The following IQCH variants were observed in gnomAD, a reference collection of about 807,000 sequenced individuals.
IQCH encodes the protein IQ motif containing H.
IQCH carries 98 observed loss-of-function variants against 117.0 expected under a neutral mutation model. The observed-to-expected ratio is 0.84, with a 90% CI of 0.71 to 0.99. The LOEUF is 0.99. Among genes scored for constraint, IQCH ranks in the 50% least tolerant of loss-of-function variants. The probability of loss-of-function intolerance (pLI) is 0.00; values close to 1 mark genes in which losing one functional copy is unlikely to be tolerated. For synonymous variants in IQCH, 412 were observed against 448.2 expected (o/e 0.92, Z 1.02); for missense variants, 1,102 against 1,243.8 (o/e 0.89, Z 1.72).
rs745536547 is a variant in IQCH, at chr15:67,421,335, C to T, written c.2263C>T (p.Leu755Phe). The change falls in exon 16 of 21, where the codon CTC (leucine) becomes TTC (phenylalanine). Residue 755 changes from leucine to phenylalanine, a missense_variant. By Grantham distance (22) the Leu-to-Phe change is conservative (BLOSUM62 0). Around this residue, in one of 2 missense-constraint regions of IQCH, gnomAD observed 650 missense variants for 794.3 expected, o/e 0.82. Coordinates refer to ENST00000335894, the MANE Select transcript of IQCH (RefSeq NM_001031715.3). The part of the protein sequence containing the change: ...AFPPADNVTN[L>F]TVDMLIEPNG... ...CCCACCTGCAGACAATGTCACCAACCTCACAGTGGACATGCTGATAGAGCC... is the reference window on the plus strand; with the variant it reads ...CCCACCTGCAGACAATGTCACCAACTTCACAGTGGACATGCTGATAGAGCC... The T allele has an allele frequency of 1.2e-6, 2 of 1,614,036 alleles. No homozygotes were observed. The highest frequency in any genetic ancestry group is 2.7e-5 in the African/African-American group (2 of 74,922).
Position 67,472,504 on chromosome 15 carries a change from G to GA in IQCH, c.2677-3186dup, listed in dbSNP as rs1275990312. On this transcript the variant is annotated intron_variant, in intron 17 of 20. Coordinates refer to ENST00000335894, the MANE Select transcript of IQCH (RefSeq NM_001031715.3). The surrounding 1 kb of genome is among the most constrained non-coding windows in gnomAD (Gnocchi z 4.3). Reference sequence around the variant, plus strand: ...CCCAGGAGATGGGGGAAGAGTAGGGGAAAAAACAGCCTGGGAAGTTACATT... The same window carrying GA: ...CCCAGGAGATGGGGGAAGAGTAGGGGAAAAAAACAGCCTGGGAAGTTACATT... 1.3e-5 allele frequency among the ~76,000 whole-genome samples: 2 copies of GA among 152,104 alleles called. No homozygotes were observed. The highest frequency in any genetic ancestry group is 4.8e-5 in the African/African-American group (2 of 41,414).
intron 12 of IQCH, among the ~76,000 whole-genome samples, chr15:67,392,226 T>A (rs1221639448): frequency 2.0e-5 from 3 of 152,230 alleles, no homozygotes; most frequent in Non-Finnish European, 2.9e-5. Context: ...GAACTTACCA[T>A]GATTGCTGCC....
intron 20 of IQCH, among the ~76,000 whole-genome samples, chr15:67,499,255 C>T (rs890718015): frequency 2.2e-5 from 3 of 133,708 alleles, no homozygotes; most frequent in African/African-American, 8.6e-5. Context: ...GTCATAATCA[C>T]ACCACTGCAC....
Position 67,416,787 on chromosome 15 carries a change from C to T in IQCH, c.2098-144C>T. The T allele has an allele frequency of 3.7e-6, 2 of 545,412 alleles. No homozygotes were observed. The highest frequency in any genetic ancestry group is 4.3e-5 in the Admixed American group (1 of 23,192). 33.8% of individuals were successfully genotyped at this position (545,412 alleles called of 1,614,324 possible). A position where few individuals can be genotyped will look rare whatever the true frequency, so the allele number is the denominator to read the frequency against. On this transcript the variant is annotated intron_variant, in intron 14 of 20. Coordinates refer to ENST00000335894, the MANE Select transcript of IQCH (RefSeq NM_001031715.3). This position sits in a 1 kb window ranked among gnomAD's most constrained non-coding sequence, Gnocchi z 5.1. ...CTGAAATGGCTGAAAAAAGAGAGAA[C>T]ATTTTCAAAATGGCTTTCTGACTCT...
chr15:67,471,070 C>T (rs2083060110), intron 17 of IQCH, among the ~76,000 whole-genome samples: 1 of 152,050 alleles, frequency 6.6e-6, no homozygotes, highest in Non-Finnish European at 1.5e-5. Flanking sequence ...CATGTTATTT[C>T]ATTGCATGGA....
In IQCH at chr15:67,364,820, T is replaced by C. The variant is rs963428291; in HGVS notation, c.753+4935T>C. Among the ~76,000 whole-genome samples the C allele has an allele frequency of 4.6e-5, 7 of 152,262 alleles. No individual in the cohort carries two copies. The highest frequency in any genetic ancestry group is 1.0e-4 in the Non-Finnish European group (7 of 68,048). ...ATAGTTTATCATAAACCTTTACATATATGATTTAAAATTCATAAAACATTT... is the reference window on the plus strand; with the variant it reads ...ATAGTTTATCATAAACCTTTACATACATGATTTAAAATTCATAAAACATTT... On this transcript the variant is annotated intron_variant, in intron 8 of 20. Coordinates refer to ENST00000335894, the MANE Select transcript of IQCH (RefSeq NM_001031715.3). This position sits in a 1 kb window ranked among gnomAD's most constrained non-coding sequence, Gnocchi z 4.1.
chr15:67,490,170 TAGA>T lies in IQCH; in HGVS notation c.2861+109_2861+111del. The T allele has an allele frequency of 6.2e-6, 5 of 809,784 alleles. 1 individual carries two copies. The highest frequency in any genetic ancestry group is 6.1e-5 in the South Asian group (4 of 66,090). The allele number at this position is 809,784 out of a possible 1,614,324, so 50.2% of individuals were successfully genotyped here. ...CATTTTAATCAGCATGCTGATTTAT[TAGA>T]AGTCTATCTTTATTTAGATCTTCAG... On this transcript the variant is annotated intron_variant, in intron 19 of 20. Coordinates refer to ENST00000335894, the MANE Select transcript of IQCH (RefSeq NM_001031715.3). The surrounding 1 kb of genome is among the most constrained non-coding windows in gnomAD (Gnocchi z 4.9).
At chr15:67,286,769 C>T (rs868407458) in intron 4 of IQCH, among the ~76,000 whole-genome samples, 10 of 151,950 alleles carry the variant, frequency 6.6e-5, no homozygotes, top group South Asian at 6.2e-4. Flanking sequence ...CCACCACACC[C>T]GGCTAATTTT....
intron 5 of IQCH, among the ~76,000 whole-genome samples, chr15:67,338,412 C>T (rs888766340): frequency 2.0e-5 from 3 of 152,084 alleles, no homozygotes; most frequent in African/African-American, 7.2e-5. Flanking sequence ...ATAAATTAAT[C>T]GGCATATATT....
chr15:67,323,916 C>T (rs1052211983), intron 4 of IQCH, among the ~76,000 whole-genome samples: 4 of 148,612 alleles, frequency 2.7e-5, no homozygotes, highest in East Asian at 2.0e-4. Context: ...TCTGTCAGCT[C>T]GAAGAATGTT....
At chr15:67,314,350 C>G (rs1967743648) in intron 4 of IQCH, among the ~76,000 whole-genome samples, 1 of 152,054 alleles carries the variant, frequency 6.6e-6, no homozygotes, top group Non-Finnish European at 1.5e-5. Context: ...CCTCCTCTCC[C>G]ACTCTCACCC....
Position 67,500,743 on chromosome 15 carries a change from A to G in IQCH, c.3081A>G (p.Lys1027=). 6.6e-7 allele frequency: 1 copy of G among 1,517,106 alleles called. No homozygotes were observed. Among genetic ancestry groups the G allele is most frequent in the Non-Finnish European group, 9.1e-7 (1 of 1,100,450 alleles). 94.0% of individuals were successfully genotyped at this position (1,517,106 alleles called of 1,614,324 possible). Residue 1027 remains lysine, a synonymous_variant, in exon 21 of 21, where the codon AAA becomes AAG. Transcript: ENST00000335894. This position sits in a 1 kb window ranked among gnomAD's most constrained non-coding sequence, Gnocchi z 4.4. ...KDDKNLSKPK[K] is the part of the protein sequence containing the mutation. ...ATAAAAACCTCTCTAAACCCAAGAA[A>G]TGATCCTGGAATACAGTACATAACA...
intron 4 of IQCH, among the ~76,000 whole-genome samples, chr15:67,314,977 G>A (rs1318895724): frequency 6.6e-6 from 1 of 152,162 alleles, no homozygotes; most frequent in Admixed American, 6.5e-5. Context: ...ATAGGCAGCT[G>A]GCTGGCAACT....
At chr15:67,320,828 A>G (rs1456501727) in intron 4 of IQCH, among the ~76,000 whole-genome samples, 1 of 152,176 alleles carries the variant, frequency 6.6e-6, no homozygotes, top group Non-Finnish European at 1.5e-5. Flanking sequence ...TATTCCATGC[A>G]AAAAGAGTAT....
chr15:67,483,090 C>A (rs1324418411), intron 18 of IQCH, among the ~76,000 whole-genome samples: 2 of 152,148 alleles, frequency 1.3e-5, no homozygotes. Flanking sequence ...AAATGTCCTG[C>A]CAAACCTAGA....
chr15:67,346,121 A>G (rs1969376678), intron 6 of IQCH, among the ~76,000 whole-genome samples: 1 of 152,216 alleles, frequency 6.6e-6, no homozygotes, highest in Non-Finnish European at 1.5e-5. Flanking sequence ...CTCTATTACT[A>G]TCAGATGAAG....
At chr15:67,307,844 G>T (rs543668149) in intron 4 of IQCH, among the ~76,000 whole-genome samples, 79 of 152,250 alleles carry the variant, frequency 5.2e-4, no homozygotes, top group African/African-American at 1.8e-3. Context: ...CATCTCAGAT[G>T]ACAAAGAGGG....
intron 6 of IQCH, among the ~76,000 whole-genome samples, chr15:67,353,599 A>G (rs923596552): frequency 6.6e-6 from 1 of 152,074 alleles, no homozygotes; most frequent in Non-Finnish European, 1.5e-5. Context: ...AGCTCAGGCA[A>G]TCCGCCCACC....
intron 16 of IQCH, among the ~76,000 whole-genome samples, chr15:67,442,869 C>CAT (rs143452052): frequency 0.013 from 1,696 of 130,276 alleles, 15 homozygotes; most frequent in Non-Finnish European, 0.019. Context: ...GATAGATATA[C>CAT]ATATATATAT....
Sources: gnomAD v4.1 joint callset for allele counts (sites outside exome capture counted in the v4.1 genomes callset) on GRCh38, gnomAD v4.1.1 for gene constraint, gnomAD v4.1.1 regional missense constraint, Gnocchi (gnomAD v3.1) non-coding constraint, MANE v1.5 for transcripts, NCBI Gene and HGNC (gene_info 2026-07-23, HGNC 2026-07-21) for gene names.